TNNI3K: variants seen among roughly 807,000 people sequenced by gnomAD.
The protein encoded by TNNI3K is serine/threonine-protein kinase TNNI3K.
In TNNI3K, 140 loss-of-function variants were observed where a neutral mutation model predicts 114.5. The observed-to-expected ratio is 1.22, with a 90% CI of 1.07 to 1.41. The LOEUF (loss-of-function observed/expected upper bound fraction) is 1.41, where lower values mean the gene tolerates loss of function less well. TNNI3K is among the 40% of genes most tolerant of loss of function. TNNI3K has a pLI of 0.00. For synonymous variants in TNNI3K, 347 were observed against 347.5 expected (o/e 1.00, Z 0.02); for missense variants, 1,125 against 1,007.6 (o/e 1.12, Z -1.58).
intron 11 of TNNI3K, among the ~76,000 whole-genome samples, chr1:74,355,955 G>T (rs566584643): frequency 6.6e-6 from 1 of 152,204 alleles, no homozygotes; most frequent in African/African-American, 2.4e-5. Flanking sequence ...ATAGGTCAAT[G>T]AATTTCACAG....
chr1:74,431,583 A>G (rs1210131084), intron 17 of TNNI3K, among the ~76,000 whole-genome samples: 1 of 152,114 alleles, frequency 6.6e-6, no homozygotes, highest in African/African-American at 2.4e-5. Flanking sequence ...CCCAAGTCCT[A>G]ACATCTGGGG....
At position 74,436,531 on chromosome 1, in the gene TNNI3K, G is replaced by A. The variant is rs750684334; in HGVS notation, c.1878+5G>A. On this transcript the variant is annotated splice_donor_5th_base_variant and intron_variant, in intron 19 of 24. Coordinates refer to ENST00000326637, the MANE Select transcript of TNNI3K (RefSeq NM_015978.3). ...AACATGACAAAACAACCTGGGGTTT[G>A]CTGCTGCTTGTGTTTCCTATAATTA... 6.3e-7 allele frequency: 1 copy of A among 1,582,914 alleles called. No individual in the cohort carries two copies. The highest frequency in any genetic ancestry group is 2.3e-5 in the East Asian group (1 of 43,854).
At chr1:74,315,134 A>T (rs1268805574) in intron 5 of TNNI3K, among the ~76,000 whole-genome samples, 1 of 152,172 alleles carries the variant, frequency 6.6e-6, no homozygotes, top group Non-Finnish European at 1.5e-5. Flanking sequence ...TCATGGACAG[A>T]AATTAGGTTT....
intron 6 of TNNI3K, 152 bp downstream of exon 6, chr1:74,331,700 C>A: frequency 3.3e-6 from 2 of 610,682 alleles, no homozygotes; most frequent in Non-Finnish European, 5.2e-6. Context: ...GCTTGTAGAT[C>A]CATATAAGCA....
In TNNI3K at chr1:74,440,560, C is replaced by T. The variant is rs574495163; in HGVS notation, c.2011+938C>T. On this transcript the variant is annotated intron_variant, in intron 20 of 24. Coordinates refer to ENST00000326637, the MANE Select transcript of TNNI3K (RefSeq NM_015978.3). ...AGAGGTAGCCACATCTCATCTCATA[C>T]TCTATTTTGGAGTTTTTTTTCCCCA... Among the ~76,000 whole-genome samples the T allele has an allele frequency of 4.0e-5, 6 of 151,848 alleles. No individual in the cohort carries two copies. The East Asian group carries it at 1.2e-3, about 29-fold the overall frequency.
At chr1:74,426,162 G>A (rs1304905634) in intron 17 of TNNI3K, among the ~76,000 whole-genome samples, 1 of 152,074 alleles carries the variant, frequency 6.6e-6, no homozygotes, top group Non-Finnish European at 1.5e-5. Context: ...CATAGTAAAA[G>A]CTATAGTTTC....
chr1:74,354,399 A>T (rs1661548710), intron 11 of TNNI3K, among the ~76,000 whole-genome samples: 1 of 151,994 alleles, frequency 6.6e-6, no homozygotes, highest in Non-Finnish European at 1.5e-5. Context: ...GAGAAACAAA[A>T]TTGTGATAGA....
chr1:74,428,411 T>A (rs1209148498), intron 17 of TNNI3K, among the ~76,000 whole-genome samples: 1 of 152,086 alleles, frequency 6.6e-6, no homozygotes, highest in Non-Finnish European at 1.5e-5. Flanking sequence ...CATAAAATAA[T>A]AACATCACAA....
chr1:74,297,522 C>CATGTGTGTGTGT (rs1553128510), intron 5 of TNNI3K, among the ~76,000 whole-genome samples: 7 of 145,354 alleles, frequency 4.8e-5, no homozygotes, highest in Non-Finnish European at 7.6e-5. Flanking sequence ...TGTGTGTGTG[C>CATGTGTGTGTGT]GTGTGTGTGT....
rs1385454104 is a variant in TNNI3K, at chr1:74,236,093, C to CT, written c.41-6dup. 3 of 1,599,848 alleles carry CT rather than the reference C, an allele frequency of 1.9e-6. No homozygotes were observed. In the East Asian group the frequency reaches 6.8e-5, roughly 36 times the overall value. On this transcript the variant is annotated splice_polypyrimidine_tract_variant and intron_variant, in intron 1 of 24. Transcript: ENST00000326637. ...CTATGAATCAATCTCATTTGTTCTT[C>CT]TTTACTAGATGAATGGAAGAAAAAA...
At chr1:74,534,166 T>C (rs982247511) in intron 23 of TNNI3K, among the ~76,000 whole-genome samples, 1 of 152,076 alleles carries the variant, frequency 6.6e-6, no homozygotes, top group Non-Finnish European at 1.5e-5. Flanking sequence ...TAGTAGAACG[T>C]AATGTTCTGG....
At chr1:74,481,605 C>A (rs182336991) in intron 21 of TNNI3K, among the ~76,000 whole-genome samples, 1 of 152,184 alleles carries the variant, frequency 6.6e-6, no homozygotes, top group Non-Finnish European at 1.5e-5. Context: ...ATCTTGGCCT[C>A]CTGTCTAATA....
At chr1:74,343,387 G>A (rs1283200095) in intron 9 of TNNI3K, among the ~76,000 whole-genome samples, 2 of 152,162 alleles carry the variant, frequency 1.3e-5, no homozygotes, top group Admixed American at 6.5e-5. Context: ...AGATGGGGCC[G>A]GAGCCAGATG....
intron 17 of TNNI3K, among the ~76,000 whole-genome samples, chr1:74,435,517 T>A (rs1666081452): frequency 6.6e-6 from 1 of 152,074 alleles, no homozygotes; most frequent in Admixed American, 6.6e-5. Flanking sequence ...ACCTTTATGC[T>A]ATTCTCCTCA....
chr1:74,420,608 T>G lies in TNNI3K; in HGVS notation c.1773-15472T>G, dbSNP rs543699665. The stretch of plus-strand genomic sequence containing the variant: ...GAACACTGCAAGCAGCATCACAGCC[T>G]TCAGAATTCTTTATCATGTCATTAA... On this transcript the variant is annotated intron_variant, in intron 17 of 24. Transcript: ENST00000326637. 2.6e-5 allele frequency among the ~76,000 whole-genome samples: 4 copies of G among 152,256 alleles called. No individual in the cohort carries two copies. In the South Asian group the frequency reaches 8.3e-4, roughly 32 times the overall value.
intron 7 of TNNI3K, among the ~76,000 whole-genome samples, chr1:74,337,110 G>A (rs1660512820): frequency 1.3e-5 from 2 of 151,758 alleles, no homozygotes; most frequent in South Asian, 4.2e-4. Flanking sequence ...GTGATGATGA[G>A]CATTTTTTCA....
chr1:74,525,588 A>T (rs1646493131), intron 23 of TNNI3K, among the ~76,000 whole-genome samples: 1 of 152,234 alleles, frequency 6.6e-6, no homozygotes, highest in Non-Finnish European at 1.5e-5. Context: ...CTCTGTGCCC[A>T]AATGCCAAGG....
chr1:74,531,511 A>C (rs1211135400), intron 23 of TNNI3K, among the ~76,000 whole-genome samples: 1 of 152,222 alleles, frequency 6.6e-6, no homozygotes, highest in African/African-American at 2.4e-5. Context: ...TGCAAAGCAT[A>C]GAAAGGCATT....
At chr1:74,316,790 C>T (rs999408399) in intron 5 of TNNI3K, among the ~76,000 whole-genome samples, 19 of 151,880 alleles carry the variant, frequency 1.3e-4, no homozygotes, top group Non-Finnish European at 1.6e-4. Flanking sequence ...CCTGGGTTCC[C>T]GCCATTCTCC....
Sources: allele counts gnomAD v4.1 joint callset (sites outside exome capture counted in the v4.1 genomes callset), GRCh38; gene constraint gnomAD v4.1.1; transcripts MANE v1.5; gene names NCBI Gene and HGNC (gene_info 2026-07-23, HGNC 2026-07-21).